The following ABCB1 variants were observed in gnomAD, a reference collection of about 807,000 sequenced individuals.
ABCB1 encodes ATP binding cassette subfamily B member 1.
Under a neutral mutation model 142.0 loss-of-function variants are expected in ABCB1, and 69 were observed. The ratio of observed to expected loss-of-function variants is 0.49; its 90% CI spans 0.40 to 0.59. The LOEUF (loss-of-function observed/expected upper bound fraction) is 0.59. Among genes scored for constraint, ABCB1 ranks in the 20% least tolerant of loss-of-function variants. The probability of loss-of-function intolerance (pLI) is 0.00; values close to 1 mark genes in which losing one functional copy is unlikely to be tolerated. For missense variants in ABCB1, 1,326 were observed against 1,554.7 expected (o/e 0.85, Z 2.47); for synonymous variants, 532 against 539.2 (o/e 0.99, Z 0.18).
intron 1 of ABCB1, among the ~76,000 whole-genome samples, chr7:87,692,229 T>G (rs1182324676): frequency 6.6e-6 from 1 of 151,932 alleles, no homozygotes; most frequent in African/African-American, 2.4e-5. Flanking sequence ...GGCAGGATAA[T>G]CCATTGAGCC....
intron 3 of ABCB1, among the ~76,000 whole-genome samples, chr7:87,588,297 C>T (rs1018450665): frequency 6.6e-6 from 1 of 151,862 alleles, no homozygotes; most frequent in African/African-American, 2.4e-5. Flanking sequence ...AAGCCTAGTA[C>T]TCGTTAGTTA....
At chr7:87,627,786 C>T (rs1820756350) in intron 1 of ABCB1, 1 of 152,346 alleles carries the variant, frequency 6.6e-6, no homozygotes, top group Non-Finnish European at 1.5e-5. Flanking sequence ...CGCGAAAAGA[C>T]TCTACACTGG....
intron 25 of ABCB1, among the ~76,000 whole-genome samples, chr7:87,514,681 C>G (rs1815155480): frequency 6.6e-6 from 1 of 152,170 alleles, no homozygotes; most frequent in Non-Finnish European, 1.5e-5. Flanking sequence ...ATAATCTATG[C>G]TCACTTACAT....
chr7:87,521,783 T>C (rs1815521216), intron 21 of ABCB1: 4 of 800,562 alleles, frequency 5.0e-6, no homozygotes, highest in Admixed American at 1.7e-5. Flanking sequence ...GTGAAAAAGA[T>C]ATTTGTTGGT....
At chr7:87,529,839 G>A (rs147447388) in intron 21 of ABCB1, among the ~76,000 whole-genome samples, 1 of 152,236 alleles carries the variant, frequency 6.6e-6, no homozygotes, top group East Asian at 1.9e-4. Context: ...GGCACAGAAT[G>A]TATTCCCTGG....
At chr7:87,652,997 C>T (rs1446151640) in intron 1 of ABCB1, among the ~76,000 whole-genome samples, 2 of 151,970 alleles carry the variant, frequency 1.3e-5, no homozygotes, top group African/African-American at 4.8e-5. Flanking sequence ...CCCCCAGACA[C>T]AGTATAGGCT....
At chr7:87,647,742 T>C (rs955906011) in intron 1 of ABCB1, among the ~76,000 whole-genome samples, 1 of 152,058 alleles carries the variant, frequency 6.6e-6, no homozygotes, top group African/African-American at 2.4e-5. Flanking sequence ...CACAAACCAT[T>C]ACATAACTAA....
At chr7:87,520,079 G>A (rs1049406924) in intron 22 of ABCB1, among the ~76,000 whole-genome samples, 1 of 152,152 alleles carries the variant, frequency 6.6e-6, no homozygotes, top group African/African-American at 2.4e-5. Flanking sequence ...GTGATATGGA[G>A]GTGTGGGTGG....
At chr7:87,684,868 C>T (rs181736337) in intron 1 of ABCB1, among the ~76,000 whole-genome samples, 11 of 150,562 alleles carry the variant, frequency 7.3e-5, no homozygotes, top group Non-Finnish European at 1.5e-4. Context: ...AAAGTGATAA[C>T]CTTTAAGAAT....
Position 87,565,425 on chromosome 7 carries a change from T to C in ABCB1, c.702+645A>G, listed in dbSNP as rs376526526. Reference sequence around the variant, plus strand: ...AAGTTTTAAAAGATCACTGGAAACGTGTGCTGGGGTAGAGAGGGCCACTTC... The same window carrying C: ...AAGTTTTAAAAGATCACTGGAAACGCGTGCTGGGGTAGAGAGGGCCACTTC... On this transcript the variant is annotated intron_variant, in intron 7 of 27. Transcript: ENST00000622132. 4.7e-5 allele frequency: 21 copies of C among 444,452 alleles called. No individual in the cohort carries two copies. In the East Asian group the frequency reaches 1.5e-3, roughly 31 times the overall value. The allele number at this position is 444,452 out of a possible 1,614,324, so 27.5% of individuals were successfully genotyped here. A position where few individuals can be genotyped will look rare whatever the true frequency, so the allele number is the denominator to read the frequency against.
intron 3 of ABCB1, among the ~76,000 whole-genome samples, 163 bp downstream of exon 3, chr7:87,595,603 A>G (rs1286821433): frequency 1.3e-5 from 2 of 152,140 alleles, no homozygotes; most frequent in East Asian, 3.8e-4. Context: ...GCAAGTTATG[A>G]TCAGCATTCT....
Position 87,535,838 on chromosome 7 carries a change from C to A in ABCB1, c.2481+620G>T, listed in dbSNP as rs577062967. 2.6e-3 allele frequency among the ~76,000 whole-genome samples: 398 copies of A among 152,268 alleles called. 1 individual carries two copies. Among genetic ancestry groups the A allele is most frequent in the African/African-American group, 9.0e-3 (375 of 41,564 alleles). ...ACATGAATTTTTTCAAATTCTACATCATTTTGTGGACTTTTGCCATAAACA... is the reference window on the plus strand; with the variant it reads ...ACATGAATTTTTTCAAATTCTACATAATTTTGTGGACTTTTGCCATAAACA... On this transcript the variant is annotated intron_variant, in intron 20 of 27. Coordinates refer to ENST00000622132, the MANE Select transcript of ABCB1 (RefSeq NM_001348946.2).
intron 1 of ABCB1, among the ~76,000 whole-genome samples, chr7:87,687,639 A>C (rs1280244181): frequency 6.6e-6 from 1 of 152,170 alleles, no homozygotes; most frequent in African/African-American, 2.4e-5. Flanking sequence ...TTGTTGAAAA[A>C]TTGATGGAAG....
chr7:87,650,811 T>C (rs1823499560), intron 1 of ABCB1: 1 of 1,552,732 alleles, frequency 6.4e-7, no homozygotes, highest in Non-Finnish European at 8.9e-7. Context: ...ACAATAATCT[T>C]TTTTTCATAG....
At chr7:87,683,753 G>T (rs1827172146) in intron 1 of ABCB1, among the ~76,000 whole-genome samples, 2 of 152,132 alleles carry the variant, frequency 1.3e-5, no homozygotes. Context: ...ACCAAAACAT[G>T]ACAGGGAGAC....
At chr7:87,539,119 C>T (rs1228393485) in intron 19 of ABCB1, 149 bp downstream of exon 19, 12 of 808,502 alleles carry the variant, frequency 1.5e-5, no homozygotes, top group South Asian at 2.9e-5. Flanking sequence ...GCCTAGTGGG[C>T]GGTTCAACCG....
intron 4 of ABCB1, 27 bp downstream of exon 4, chr7:87,585,485 T>C (rs1019121244): frequency 1.9e-6 from 3 of 1,611,480 alleles, no homozygotes; most frequent in Admixed American, 1.7e-5. Context: ...AAGTTTCCAA[T>C]AAAATTGGTA....
At chr7:87,614,219 G>C (rs1203844856) in intron 1 of ABCB1, among the ~76,000 whole-genome samples, 1 of 152,072 alleles carries the variant, frequency 6.6e-6, no homozygotes, top group African/African-American at 2.4e-5. Flanking sequence ...AACATAGTGA[G>C]ACCCTGTCTC....
intron 23 of ABCB1, 48 bp downstream of exon 23, chr7:87,519,278 T>A (rs754078618): frequency 6.4e-7 from 1 of 1,562,628 alleles, no homozygotes. Flanking sequence ...AGCATGTTCA[T>A]CCCAGCTTTA....
Sources: gnomAD v4.1 joint callset for allele counts (sites outside exome capture counted in the v4.1 genomes callset) on GRCh38, gnomAD v4.1.1 for gene constraint, MANE v1.5 for transcripts, NCBI Gene and HGNC (gene_info 2026-07-23, HGNC 2026-07-21) for gene names.